The following CNTNAP3B variants were observed in gnomAD, a reference collection of about 807,000 sequenced individuals.
CNTNAP3B encodes contactin associated protein family member 3B.
Under a neutral mutation model 108.9 loss-of-function variants are expected in CNTNAP3B, and 25 were observed. That is an observed-to-expected ratio of 0.23 (90% CI 0.17 to 0.32). The LOEUF (loss-of-function observed/expected upper bound fraction) is 0.32, where lower values mean the gene tolerates loss of function less well. CNTNAP3B is among the 10% of genes least tolerant of loss of function. The probability of loss-of-function intolerance (pLI) is 1.00; values close to 1 mark genes in which losing one functional copy is unlikely to be tolerated. For missense variants in CNTNAP3B, 252 were observed against 1,210.4 expected (o/e 0.21, Z 11.75); for synonymous variants, 103 against 473.4 (o/e 0.22, Z 10.16).
chr9:42,074,270 AT>A (rs1344239775), intron 3 of CNTNAP3B, among the ~76,000 whole-genome samples: 7 of 88,378 alleles, frequency 7.9e-5, no homozygotes, highest in Admixed American at 2.6e-4. Context: ...CTTTCAGCAA[AT>A]TCCCCATATT....
At chr9:41,933,447 T>C (rs1824042027) in intron 14 of CNTNAP3B, among the ~76,000 whole-genome samples, 1 of 148,776 alleles carries the variant, frequency 6.7e-6, no homozygotes, top group Non-Finnish European at 1.5e-5. Flanking sequence ...TTTATTTGGC[T>C]GTCCTTAATT....
intron 12 of CNTNAP3B, among the ~76,000 whole-genome samples, chr9:41,954,390 A>T (rs1384134301): frequency 1.3e-5 from 2 of 152,264 alleles, no homozygotes; most frequent in African/African-American, 4.8e-5. Flanking sequence ...CCTTACTGTT[A>T]CTTACACACG....
chr9:42,097,585 C>T (rs542071157), intron 2 of CNTNAP3B, among the ~76,000 whole-genome samples: 18 of 140,008 alleles, frequency 1.3e-4, no homozygotes, highest in Non-Finnish European at 2.6e-4. Context: ...AAAATAATTA[C>T]GTACTTCAAA....
intron 4 of CNTNAP3B, among the ~76,000 whole-genome samples, chr9:42,003,956 C>CA (rs1396586978): frequency 7.0e-6 from 1 of 142,994 alleles, no homozygotes; most frequent in South Asian, 2.3e-4. Flanking sequence ...GACTCCCTCT[C>CA]AAAAAAACAA....
At chr9:41,922,309 CA>C (rs1823690997) in intron 17 of CNTNAP3B, among the ~76,000 whole-genome samples, 1 of 129,510 alleles carries the variant, frequency 7.7e-6, no homozygotes, top group Admixed American at 7.5e-5. Context: ...ATTAAAAATA[CA>C]AAAATTAGCC....
intron 15 of CNTNAP3B, among the ~76,000 whole-genome samples, chr9:41,924,419 T>C (rs1360860697): frequency 2.6e-5 from 4 of 152,288 alleles, no homozygotes; most frequent in African/African-American, 9.6e-5. Flanking sequence ...CAGAACTTAC[T>C]GAAGAACTCG....
chr9:41,933,968 A>C (rs1824059342), intron 14 of CNTNAP3B, among the ~76,000 whole-genome samples: 1 of 144,246 alleles, frequency 6.9e-6, no homozygotes, highest in African/African-American at 2.7e-5. Flanking sequence ...GCTAAACGAT[A>C]TATGGCTGCT....
At chr9:42,051,802 CA>C (rs1308092574) in intron 3 of CNTNAP3B, among the ~76,000 whole-genome samples, 1 of 152,016 alleles carries the variant, frequency 6.6e-6, no homozygotes, top group East Asian at 1.9e-4. Context: ...GGATATTTTT[CA>C]GTAATTTTTG....
rs980707396 is a variant in CNTNAP3B at position 42,118,231 on chromosome 9, A to G, written c.85+10779T>C. On this transcript the variant is annotated intron_variant, in intron 1 of 23. Transcript: ENST00000377561. ...TGGCAGAGACACAAACAAAAAAGAGAATTTTAGACCAATATCCTTGATGAA... is the reference window on the plus strand; with the variant it reads ...TGGCAGAGACACAAACAAAAAAGAGGATTTTAGACCAATATCCTTGATGAA... Among the ~76,000 whole-genome samples, 45 of 139,620 alleles carry G rather than the reference A, an allele frequency of 3.2e-4. 4 individuals are homozygous for G. The highest frequency in any genetic ancestry group is 6.8e-4 in the Non-Finnish European group (44 of 65,010). The allele number at this position is 139,620 out of a possible 152,430, so 91.6% of individuals were successfully genotyped here. A position where few individuals can be genotyped will look rare whatever the true frequency, so the allele number is the denominator to read the frequency against.
At chr9:41,940,560 C>T (rs1279578586) in intron 13 of CNTNAP3B, among the ~76,000 whole-genome samples, 1 of 152,282 alleles carries the variant, frequency 6.6e-6, no homozygotes, top group Non-Finnish European at 1.5e-5. Flanking sequence ...TGGCTCACGC[C>T]TGTAATCCCA....
chr9:41,919,228 G>A lies in CNTNAP3B; in HGVS notation c.2995+842C>T, dbSNP rs1370748901. 3.0e-4 allele frequency among the ~76,000 whole-genome samples: 45 copies of A among 152,050 alleles called. No homozygotes were observed. The East Asian group carries it at 6.4e-3, about 22-fold the overall frequency. On this transcript the variant is annotated intron_variant, in intron 18 of 23. Coordinates refer to ENST00000377561, the MANE Select transcript of CNTNAP3B (RefSeq NM_001201380.3). ...CGACTCACTGCAACCTCTGCCTCCC[G>A]GGTTCAAGCAATTCTCCTGCCTCAG...
chr9:41,991,041 G>A (rs552682390), intron 8 of CNTNAP3B, among the ~76,000 whole-genome samples: 14 of 133,208 alleles, frequency 1.1e-4, no homozygotes, highest in African/African-American at 3.3e-4. Flanking sequence ...AGGAGGCTTC[G>A]TGATTTACAT....
intron 3 of CNTNAP3B, among the ~76,000 whole-genome samples, chr9:42,036,102 C>T (rs556025746): frequency 6.7e-5 from 10 of 149,774 alleles, no homozygotes; most frequent in South Asian, 2.1e-4. Flanking sequence ...AGGGAGACTC[C>T]GTCTCAAAAA....
chr9:41,939,807 G>T (rs1250077191), intron 13 of CNTNAP3B, among the ~76,000 whole-genome samples: 10 of 152,342 alleles, frequency 6.6e-5, no homozygotes, highest in Non-Finnish European at 1.2e-4. Flanking sequence ...AGATGTAAGT[G>T]GGTGAACTTC....
At chr9:41,967,878 T>C (rs1479638620) in intron 10 of CNTNAP3B, among the ~76,000 whole-genome samples, 1 of 152,278 alleles carries the variant, frequency 6.6e-6, no homozygotes, top group African/African-American at 2.4e-5. Flanking sequence ...CTGCAATGAT[T>C]ATTGTACACA....
intron 3 of CNTNAP3B, among the ~76,000 whole-genome samples, chr9:42,036,221 G>C (rs1826627391): frequency 6.8e-6 from 1 of 146,940 alleles, no homozygotes; most frequent in African/African-American, 2.6e-5. Flanking sequence ...TTATGTACAT[G>C]AATGTGTCCT....
intron 18 of CNTNAP3B, among the ~76,000 whole-genome samples, chr9:41,918,290 G>A (rs1364885264): frequency 1.3e-5 from 2 of 149,712 alleles, no homozygotes; most frequent in Admixed American, 6.7e-5. Context: ...TGCCAAAGAT[G>A]TTTCTCAAAT....
intron 3 of CNTNAP3B, among the ~76,000 whole-genome samples, chr9:42,020,412 T>C (rs1442456787): frequency 1.3e-5 from 2 of 151,448 alleles, no homozygotes; most frequent in Non-Finnish European, 2.9e-5. Context: ...TAACTTGTCA[T>C]TTGACTTGGA....
intron 17 of CNTNAP3B, among the ~76,000 whole-genome samples, chr9:41,922,089 C>T (rs1403509947): frequency 7.1e-6 from 1 of 141,698 alleles, no homozygotes; most frequent in Non-Finnish European, 1.5e-5. Context: ...TGGGATCTCT[C>T]TCATTAGCTG....
Sources: gnomAD v4.1 joint callset for allele counts (sites outside exome capture counted in the v4.1 genomes callset) on GRCh38, gnomAD v4.1.1 for gene constraint, MANE v1.5 for transcripts, NCBI Gene and HGNC (gene_info 2026-07-23, HGNC 2026-07-21) for gene names.